The following ZNF385B variants were observed in gnomAD, a reference collection of about 807,000 sequenced individuals.
ZNF385B encodes the protein zinc finger protein 385B.
Under a neutral mutation model 39.2 loss-of-function variants are expected in ZNF385B, and 23 were observed. The ratio of observed to expected loss-of-function variants is 0.59; its 90% CI spans 0.42 to 0.83. The LOEUF (loss-of-function observed/expected upper bound fraction) is 0.83. Ranked by LOEUF, ZNF385B falls within the 40% of genes least tolerant of loss-of-function variation. ZNF385B has a pLI of 0.00. For synonymous variants in ZNF385B, 205 were observed against 222.6 expected, an observed-to-expected ratio of 0.92 and a Z score of 0.70; for missense variants, 552 against 598.9, an observed-to-expected ratio of 0.92 and a Z score of 0.82.
chr2:179,710,700 T>C (rs1699937337), intron 3 of ZNF385B, among the ~76,000 whole-genome samples: 1 of 152,176 alleles, frequency 6.6e-6, no homozygotes, highest in Non-Finnish European at 1.5e-5. Context: ...TGCCCTTTCT[T>C]GTACCCACTA....
intron 6 of ZNF385B, among the ~76,000 whole-genome samples, chr2:179,474,154 T>C (rs1472920946): frequency 6.6e-6 from 1 of 151,540 alleles, no homozygotes; most frequent in Non-Finnish European, 1.5e-5. Flanking sequence ...GAAACACACA[T>C]TTCTGGGATG....
chr2:179,445,460 G>C, intron 8 of ZNF385B, 90 bp downstream of exon 8: 4 of 1,306,270 alleles, frequency 3.1e-6, no homozygotes. Flanking sequence ...ACTTAACTGT[G>C]AGCACAGTAA....
chr2:179,552,664 A>G lies in ZNF385B; in HGVS notation c.299-7695T>C, dbSNP rs1217471206. Among the ~76,000 whole-genome samples the G allele has an allele frequency of 1.3e-5, 2 of 148,948 alleles. 1 individual carries two copies. The highest frequency in any genetic ancestry group is 3.0e-5 in the Non-Finnish European group (2 of 67,500). On this transcript the variant is annotated intron_variant, in intron 3 of 9. Transcript: ENST00000410066. ...CCGCATCTCCTCCACTTCTCTCAGC[A>G]TTTCTTTTCTTTCATAAATCTGCTA...
At chr2:179,829,460 C>A (rs1011616816) in intron 1 of ZNF385B, among the ~76,000 whole-genome samples, 1 of 152,158 alleles carries the variant, frequency 6.6e-6, no homozygotes, top group Non-Finnish European at 1.5e-5. Flanking sequence ...AACTATAAAA[C>A]TTCTAGAAGA....
intron 5 of ZNF385B, among the ~76,000 whole-genome samples, chr2:179,500,338 G>C (rs1172617183): frequency 6.6e-6 from 1 of 151,974 alleles, no homozygotes; most frequent in Non-Finnish European, 1.5e-5. Context: ...AAAACTGGAG[G>C]AATCACATTA....
At chr2:179,586,142 C>T (rs1687051788) in intron 3 of ZNF385B, among the ~76,000 whole-genome samples, 1 of 152,202 alleles carries the variant, frequency 6.6e-6, no homozygotes, top group Non-Finnish European at 1.5e-5. Context: ...CCATGTTCAT[C>T]TGGGTAGTGG....
chr2:179,531,347 CTT>C (rs2059239593), intron 4 of ZNF385B, among the ~76,000 whole-genome samples: 1 of 152,110 alleles, frequency 6.6e-6, no homozygotes, highest in African/African-American at 2.4e-5. Context: ...TAAAACTCCT[CTT>C]TAGTCTGGGT....
intron 3 of ZNF385B, among the ~76,000 whole-genome samples, chr2:179,754,484 T>C (rs1702885281): frequency 1.3e-5 from 2 of 152,204 alleles, no homozygotes; most frequent in African/African-American, 2.4e-5. Context: ...TTTCTATTGA[T>C]TGGAATAATT....
chr2:179,644,314 C>T (rs1692523580), intron 3 of ZNF385B, among the ~76,000 whole-genome samples: 1 of 151,454 alleles, frequency 6.6e-6, no homozygotes, highest in East Asian at 1.9e-4. Context: ...CCAAGGTTTA[C>T]ACCCAATTAT....
intron 3 of ZNF385B, among the ~76,000 whole-genome samples, chr2:179,590,969 A>G (rs2106070400): frequency 6.6e-6 from 1 of 152,254 alleles, no homozygotes; most frequent in East Asian, 1.9e-4. Flanking sequence ...ACACTGACCT[A>G]CATTTACTTA....
chr2:179,824,402 C>A (rs114423081), intron 1 of ZNF385B, among the ~76,000 whole-genome samples: 1 of 152,108 alleles, frequency 6.6e-6, no homozygotes, highest in South Asian at 2.1e-4. Flanking sequence ...AAAAGTAAAT[C>A]TTTGACATTT....
chr2:179,759,750 T>G (rs1323873813), intron 3 of ZNF385B, among the ~76,000 whole-genome samples: 2 of 152,124 alleles, frequency 1.3e-5, no homozygotes, highest in African/African-American at 4.8e-5. Context: ...GTCATTGTTC[T>G]TAGCATACCA....
At chr2:179,810,298 A>G (rs1401197272) in intron 1 of ZNF385B, among the ~76,000 whole-genome samples, 1 of 151,904 alleles carries the variant, frequency 6.6e-6, no homozygotes, top group Non-Finnish European at 1.5e-5. Context: ...CAAAATGCAA[A>G]TACATTTTTA....
chr2:179,505,122 G>A (rs1006033439), intron 5 of ZNF385B, among the ~76,000 whole-genome samples: 1 of 152,046 alleles, frequency 6.6e-6, no homozygotes, highest in African/African-American at 2.4e-5. Flanking sequence ...GGGCCGCAGG[G>A]GAATTTGAGA....
intron 1 of ZNF385B, among the ~76,000 whole-genome samples, chr2:179,794,216 C>G (rs1398268560): frequency 6.6e-6 from 1 of 152,178 alleles, no homozygotes; most frequent in Non-Finnish European, 1.5e-5. Context: ...CTCTGGTTAA[C>G]TCAACATCAG....
chr2:179,728,746 G>T (rs1383711390), intron 3 of ZNF385B, among the ~76,000 whole-genome samples: 1 of 152,020 alleles, frequency 6.6e-6, no homozygotes, highest in Non-Finnish European at 1.5e-5. Context: ...CTTTGGGACA[G>T]GAAGAAAACA....
intron 3 of ZNF385B, among the ~76,000 whole-genome samples, chr2:179,621,462 G>C (rs900020671): frequency 2.0e-5 from 3 of 152,166 alleles, no homozygotes; most frequent in African/African-American, 7.2e-5. Flanking sequence ...TTTGGGAAGA[G>C]GGAGCCGTGA....
At chr2:179,800,940 C>T (rs1705990530) in intron 1 of ZNF385B, among the ~76,000 whole-genome samples, 1 of 152,070 alleles carries the variant, frequency 6.6e-6, no homozygotes, top group African/African-American at 2.4e-5. Context: ...CCAGTGGTTC[C>T]TTGATTTCAT....
At chr2:179,819,391 C>A (rs1030771917) in intron 1 of ZNF385B, among the ~76,000 whole-genome samples, 1 of 152,110 alleles carries the variant, frequency 6.6e-6, no homozygotes, top group Non-Finnish European at 1.5e-5. Flanking sequence ...ATCACCTCCC[C>A]CTCTACCACA....
Sources: gnomAD v4.1 joint callset for allele counts (sites outside exome capture counted in the v4.1 genomes callset) on GRCh38, gnomAD v4.1.1 for gene constraint, MANE v1.5 for transcripts, NCBI Gene and HGNC (gene_info 2026-07-23, HGNC 2026-07-21) for gene names.